The following HSD17B12 variants were observed in gnomAD, a reference collection of about 807,000 sequenced individuals.
HSD17B12 encodes the protein very-long-chain 3-oxoacyl-CoA reductase.
HSD17B12 carries 32 observed loss-of-function variants against 39.3 expected under a neutral mutation model. That is an observed-to-expected ratio of 0.81 (90% confidence interval 0.61 to 1.09). The LOEUF (loss-of-function observed/expected upper bound fraction) is 1.09. Among genes scored for constraint, HSD17B12 ranks in the 50% least tolerant of loss-of-function variants. HSD17B12 has a pLI of 0.00. For missense variants in HSD17B12, 342 were observed against 382.9 expected (o/e 0.89, Z 0.89); for synonymous variants, 150 against 146.7 (o/e 1.02, Z -0.16).
the HSD17B12 span, among the ~76,000 whole-genome samples, chr11:43,616,428 A>AAAAAAAAAAAAC: frequency 6.6e-6 from 1 of 150,746 alleles, no homozygotes; most frequent in African/African-American, 2.4e-5. Context: ...CAAAAAACAA[A>AAAAAAAAAAAAC]AAAAAAACAA....
chr11:43,750,052 C>G (rs1334369752), intron 1 of HSD17B12, among the ~76,000 whole-genome samples: 1 of 152,020 alleles, frequency 6.6e-6, no homozygotes, highest in African/African-American at 2.4e-5. Context: ...TAATTAAGAC[C>G]ATTTTCTATT....
chr11:43,659,813 C>T, the HSD17B12 span, among the ~76,000 whole-genome samples: 1 of 152,094 alleles, frequency 6.6e-6, no homozygotes, highest in African/African-American at 2.4e-5. Flanking sequence ...TATAAGTGAG[C>T]CAAAGATGGC....
chr11:43,747,191 T>G (rs971640322), intron 1 of HSD17B12, among the ~76,000 whole-genome samples: 1 of 152,222 alleles, frequency 6.6e-6, no homozygotes, highest in Non-Finnish European at 1.5e-5. Flanking sequence ...ACACCTACCT[T>G]GTGCATGTTG....
At chr11:43,754,883 T>C (rs771509208) in intron 3 of HSD17B12, 2 of 760,736 alleles carry the variant, frequency 2.6e-6, no homozygotes, top group South Asian at 2.7e-5. Context: ...GCAATTATAC[T>C]TGAGACCTGA....
the HSD17B12 span, among the ~76,000 whole-genome samples, chr11:43,619,261 T>TTA: frequency 2.5e-5 from 2 of 80,790 alleles, no homozygotes; most frequent in Admixed American, 1.6e-4. Context: ...TATATATATT[T>TTA]TATATATATA....
At chr11:43,788,292 A>G (rs1002310807) in intron 3 of HSD17B12, among the ~76,000 whole-genome samples, 4 of 152,212 alleles carry the variant, frequency 2.6e-5, no homozygotes, top group African/African-American at 9.6e-5. Flanking sequence ...ACTAAAAAAT[A>G]ACAGAGAGAC....
At chr11:43,581,556 C>G in the HSD17B12 span, 2 of 424,290 alleles carry the variant, frequency 4.7e-6, no homozygotes, top group Admixed American at 4.9e-5. The surrounding 1 kb of genome is among the most constrained non-coding windows in gnomAD (Gnocchi z 4.9). Flanking sequence ...TCCATCCGAG[C>G]CTTACCCGGC....
intron 6 of HSD17B12, among the ~76,000 whole-genome samples, chr11:43,820,058 T>C (rs138449723): frequency 7.9e-5 from 12 of 152,300 alleles, no homozygotes; most frequent in African/African-American, 2.9e-4. Flanking sequence ...ACATTGCTTC[T>C]GATCACAGTT....
intron 3 of HSD17B12, among the ~76,000 whole-genome samples, chr11:43,778,227 C>A (rs1331382371): frequency 1.3e-5 from 2 of 152,126 alleles, no homozygotes; most frequent in Non-Finnish European, 1.5e-5. Flanking sequence ...ATAAACTAGA[C>A]AATCTAGAAG....
intron 6 of HSD17B12, among the ~76,000 whole-genome samples, chr11:43,820,119 G>A (rs1010376628): frequency 1.4e-4 from 21 of 152,138 alleles, no homozygotes; most frequent in Non-Finnish European, 2.6e-4. Context: ...AGTGGGAGGT[G>A]AGTGATGTGC....
intron 1 of HSD17B12, among the ~76,000 whole-genome samples, chr11:43,720,683 A>G (rs1371025399): frequency 6.6e-6 from 1 of 152,238 alleles, no homozygotes; most frequent in Non-Finnish European, 1.5e-5. Flanking sequence ...ACATTGCAAA[A>G]GAGCATGTGG....
chr11:43,740,265 A>G (rs1950352306), intron 1 of HSD17B12, among the ~76,000 whole-genome samples: 2 of 152,202 alleles, frequency 1.3e-5, no homozygotes, highest in Admixed American at 1.3e-4. Flanking sequence ...TTGGGATGAT[A>G]GCGTAGATTG....
intron 1 of HSD17B12, among the ~76,000 whole-genome samples, chr11:43,682,069 G>A (rs899320742): frequency 6.6e-6 from 1 of 152,090 alleles, no homozygotes; most frequent in Admixed American, 6.6e-5. Context: ...CACTAATAAT[G>A]TTACTCCATG....
the HSD17B12 span, among the ~76,000 whole-genome samples, chr11:43,559,407 T>A: frequency 6.6e-6 from 1 of 152,074 alleles, no homozygotes; most frequent in Non-Finnish European, 1.5e-5. Flanking sequence ...TCCCCGGAGA[T>A]CCATGGAAAG....
chr11:43,695,978 G>A (rs7942375), intron 1 of HSD17B12, among the ~76,000 whole-genome samples: 56,024 of 151,942 alleles, frequency 0.37, 11,744 homozygotes, highest in East Asian at 0.72. Flanking sequence ...TATTTTTCCT[G>A]ATCCTCTCCC....
At chr11:43,657,798 T>A in the HSD17B12 span, among the ~76,000 whole-genome samples, 1 of 152,244 alleles carries the variant, frequency 6.6e-6, no homozygotes, top group Admixed American at 6.5e-5. Context: ...CTTCCCTTTG[T>A]GGGTAACCCG....
At chr11:43,778,409 A>G (rs1331262620) in intron 3 of HSD17B12, among the ~76,000 whole-genome samples, 1 of 152,226 alleles carries the variant, frequency 6.6e-6, no homozygotes, top group Non-Finnish European at 1.5e-5. Flanking sequence ...CAGAGGTATA[A>G]GGAGGAACTG....
chr11:43,778,245 T>G (rs1950729433), intron 3 of HSD17B12, among the ~76,000 whole-genome samples: 1 of 152,144 alleles, frequency 6.6e-6, no homozygotes, highest in Non-Finnish European at 1.5e-5. Context: ...AAGAAATGGA[T>G]AAATTCCTCG....
the HSD17B12 span, among the ~76,000 whole-genome samples, chr11:43,649,422 A>G: frequency 2.0e-3 from 303 of 152,326 alleles, 1 homozygote; most frequent in Non-Finnish European, 2.0e-3. Flanking sequence ...CTCTTATTAT[A>G]TTCTTCTACT....
Sources: allele counts gnomAD v4.1 joint callset (sites outside exome capture counted in the v4.1 genomes callset), GRCh38; gene constraint gnomAD v4.1.1; non-coding constraint Gnocchi (gnomAD v3.1); transcripts MANE v1.5; gene names NCBI Gene and HGNC (gene_info 2026-07-23, HGNC 2026-07-21).